The following CDH9 variants were observed in gnomAD, a reference collection of about 807,000 sequenced individuals.
CDH9 encodes the protein cadherin 9, also known as cadherin-9.
A neutral mutation model predicts 70.9 loss-of-function variants in CDH9; 28 were observed. That is an observed-to-expected ratio of 0.40 (90% CI 0.29 to 0.54). CDH9 has a LOEUF of 0.54. CDH9 is among the 20% of genes least tolerant of loss of function. CDH9 has a pLI of 0.59. For missense variants in CDH9, 874 were observed against 984.4 expected (o/e 0.89, Z 1.50); for synonymous variants, 409 against 343.1 (o/e 1.19, Z -2.12).
At chr5:27,018,856 G>T (rs921591503) in intron 1 of CDH9, among the ~76,000 whole-genome samples, 1 of 151,902 alleles carries the variant, frequency 6.6e-6, no homozygotes, top group Non-Finnish European at 1.5e-5. Context: ...AGTCTGGACT[G>T]GGGCACTACC....
At chr5:26,946,317 T>G (rs2112041530) in intron 2 of CDH9, among the ~76,000 whole-genome samples, 1 of 152,312 alleles carries the variant, frequency 6.6e-6, no homozygotes, top group South Asian at 2.1e-4. Flanking sequence ...TGCTTGAGTT[T>G]AATAGCAAAG....
chr5:26,938,116 G>A (rs763296166), intron 2 of CDH9, among the ~76,000 whole-genome samples: 36 of 151,606 alleles, frequency 2.4e-4, no homozygotes, highest in African/African-American at 8.7e-4. Context: ...TGTATTTCCT[G>A]CTTAATTTTT....
intron 1 of CDH9, among the ~76,000 whole-genome samples, chr5:27,019,625 T>C (rs947912987): frequency 2.0e-5 from 3 of 151,952 alleles, no homozygotes. Flanking sequence ...CTTTTGCATA[T>C]TTCTTAACAC....
chr5:26,963,966 C>T (rs1375205325), intron 2 of CDH9, among the ~76,000 whole-genome samples: 2 of 151,746 alleles, frequency 1.3e-5, no homozygotes, highest in South Asian at 2.1e-4. Context: ...GAGCTTTTAC[C>T]AAATTATATG....
rs752796839 is a variant in CDH9, at chr5:26,903,795, C to G, written c.841G>C (p.Val281Leu). 1 of 1,591,026 alleles carries G rather than the reference C, an allele frequency of 6.3e-7. No individual in the cohort carries two copies. The highest frequency in any genetic ancestry group is 1.2e-5 in the South Asian group (1 of 85,726). ...STYQFNSPES[V>L]PLGTHLGRIK... ...CTTCCAAGATGAGTTCCAAGAGGTA[C>G]AGACTCAGGAGAATTAAATTGATAC... Residue 281 changes from valine to leucine, a missense_variant, in exon 6 of 12, where the codon GTA becomes CTA. Coordinates refer to ENST00000231021, the MANE Select transcript of CDH9 (RefSeq NM_016279.4).
intron 2 of CDH9, among the ~76,000 whole-genome samples, chr5:26,977,279 T>C (rs1001383327): frequency 5.9e-5 from 9 of 151,956 alleles, no homozygotes; most frequent in Admixed American, 2.6e-4. Context: ...TAAAGGACTT[T>C]GAAAGTCACA....
intron 3 of CDH9, among the ~76,000 whole-genome samples, chr5:26,915,278 A>C (rs886517116): frequency 3.9e-5 from 6 of 152,080 alleles, no homozygotes; most frequent in African/African-American, 1.4e-4. Flanking sequence ...ATTCAAAATA[A>C]TGCAAGCAAA....
At chr5:26,955,871 G>A (rs1278352041) in intron 2 of CDH9, among the ~76,000 whole-genome samples, 1 of 152,142 alleles carries the variant, frequency 6.6e-6, no homozygotes, top group Non-Finnish European at 1.5e-5. Flanking sequence ...CAGACAGAAT[G>A]GAATCAAATC....
At chr5:26,958,439 G>T (rs1384975537) in intron 2 of CDH9, among the ~76,000 whole-genome samples, 1 of 152,110 alleles carries the variant, frequency 6.6e-6, no homozygotes, top group Admixed American at 6.6e-5. Context: ...TGATCTCTCT[G>T]CGTGCCTCCT....
At chr5:26,994,992 T>C (rs141898304) in intron 1 of CDH9, among the ~76,000 whole-genome samples, 2 of 152,192 alleles carry the variant, frequency 1.3e-5, no homozygotes, top group African/African-American at 4.8e-5. Flanking sequence ...CGTTTTAGTC[T>C]CTATTGCTTT....
intron 1 of CDH9, among the ~76,000 whole-genome samples, chr5:26,990,539 A>G (rs1742563470): frequency 1.3e-5 from 2 of 152,186 alleles, no homozygotes; most frequent in South Asian, 2.1e-4. Flanking sequence ...ATAATTGGTA[A>G]ATTTGACCAC....
intron 7 of CDH9, among the ~76,000 whole-genome samples, 160 bp downstream of exon 7, chr5:26,902,316 A>T (rs894390717): frequency 1.3e-5 from 2 of 151,952 alleles, no homozygotes; most frequent in African/African-American, 4.8e-5. Flanking sequence ...GCTTGATTAT[A>T]CATTGTGCAA....
chr5:26,927,745 C>A (rs1741368574), intron 2 of CDH9, among the ~76,000 whole-genome samples: 1 of 151,926 alleles, frequency 6.6e-6, no homozygotes, highest in African/African-American at 2.4e-5. Flanking sequence ...TGGACTCTGC[C>A]CTTAAAGAGT....
At chr5:26,931,149 A>G (rs751869077) in intron 2 of CDH9, among the ~76,000 whole-genome samples, 1 of 152,182 alleles carries the variant, frequency 6.6e-6, no homozygotes, top group African/African-American at 2.4e-5. Flanking sequence ...GAAAAGAAGC[A>G]ACATGACAAG....
At chr5:27,017,587 GT>G (rs2112121719) in intron 1 of CDH9, among the ~76,000 whole-genome samples, 1 of 151,952 alleles carries the variant, frequency 6.6e-6, no homozygotes, top group East Asian at 1.9e-4. Flanking sequence ...GTTTGTGTTT[GT>G]TTGTTTGTTT....
At chr5:26,977,733 A>G (rs919517751) in intron 2 of CDH9, among the ~76,000 whole-genome samples, 9 of 152,194 alleles carry the variant, frequency 5.9e-5, no homozygotes, top group African/African-American at 2.2e-4. Flanking sequence ...AGGTGACCCT[A>G]AAATTGGCAT....
At chr5:26,888,568 G>A (rs1197710175) in intron 9 of CDH9, among the ~76,000 whole-genome samples, 1 of 152,110 alleles carries the variant, frequency 6.6e-6, no homozygotes, top group Non-Finnish European at 1.5e-5. Context: ...TATCCAAATA[G>A]CTATGTGAAA....
chr5:26,954,388 C>CTTCTTTTTT (rs1741903770), intron 2 of CDH9, among the ~76,000 whole-genome samples: 1 of 93,066 alleles, frequency 1.1e-5, no homozygotes, highest in Non-Finnish European at 1.9e-5. Flanking sequence ...TACAGCCTTT[C>CTTCTTTTTT]TTTTTTTTTT....
At chr5:26,950,650 T>A (rs1741829145) in intron 2 of CDH9, among the ~76,000 whole-genome samples, 1 of 152,190 alleles carries the variant, frequency 6.6e-6, no homozygotes, top group Non-Finnish European at 1.5e-5. Flanking sequence ...AAATTACACA[T>A]TCCATAAATA....
Sources: allele counts gnomAD v4.1 joint callset (sites outside exome capture counted in the v4.1 genomes callset), GRCh38; gene constraint gnomAD v4.1.1; transcripts MANE v1.5; gene names NCBI Gene and HGNC (gene_info 2026-07-23, HGNC 2026-07-21).